The following ATP6V0A1 variants were observed in gnomAD, a reference collection of about 807,000 sequenced individuals.
ATP6V0A1 encodes the protein V-type proton ATPase 116 kDa subunit a 1.
In ATP6V0A1, 43 loss-of-function variants were observed where a neutral mutation model predicts 105.4. That is an observed-to-expected ratio of 0.41 (90% CI 0.32 to 0.53). The LOEUF (loss-of-function observed/expected upper bound fraction) is 0.53. Among genes scored for constraint, ATP6V0A1 ranks in the 20% least tolerant of loss-of-function variants. ATP6V0A1 has a pLI of 0.30. For missense variants in ATP6V0A1, 676 were observed against 1,051.1 expected, an observed-to-expected ratio of 0.64 and a Z score of 4.93; for synonymous variants, 362 against 372.8, an observed-to-expected ratio of 0.97 and a Z score of 0.33.
chr17:42,472,775 A>G (rs1204758413), intron 5 of ATP6V0A1, among the ~76,000 whole-genome samples: 1 of 152,116 alleles, frequency 6.6e-6, no homozygotes, highest in East Asian at 1.9e-4. Flanking sequence ...TTCTCTTTTG[A>G]GGGGAGATCA....
Position 42,498,444 on chromosome 17 carries a change from G to C in ATP6V0A1, c.1561-480G>C, listed in dbSNP as rs534086497. Among the ~76,000 whole-genome samples, 16 of 152,220 alleles carry C rather than the reference G, an allele frequency of 1.1e-4. No homozygotes were observed. The South Asian group carries it at 3.1e-3, about 30-fold the overall frequency. ...TAAAAAAAAAAATTTTGTCGAAGCA[G>C]AGTGATAGGTGCCTGGGAGTTTGTT... On this transcript the variant is annotated intron_variant, in intron 14 of 21. Transcript: ENST00000343619.
chr17:42,484,314 C>G (rs2089884189), intron 9 of ATP6V0A1, among the ~76,000 whole-genome samples: 1 of 152,122 alleles, frequency 6.6e-6, no homozygotes, highest in African/African-American at 2.4e-5. Context: ...GCCTCGGTCT[C>G]CCAAAGTACT....
intron 21 of ATP6V0A1, chr17:42,520,502 A>C: frequency 2.2e-6 from 1 of 456,638 alleles, no homozygotes; most frequent in South Asian, 1.5e-5. Context: ...TTGCTTTGAG[A>C]AGACTTCCCC....
chr17:42,498,913 G>A lies in ATP6V0A1; in HGVS notation c.1561-11G>A. On this transcript the variant is annotated splice_polypyrimidine_tract_variant and intron_variant, in intron 14 of 21. Coordinates refer to ENST00000343619, the MANE Select transcript of ATP6V0A1 (RefSeq NM_001130021.3). ...TTTATAATACCTATTTGTTTTCTCG[G>A]GTTATGACAGATTTGGAACATTGCT... 2 of 1,566,736 alleles carry A rather than the reference G, an allele frequency of 1.3e-6. No individual in the cohort carries two copies. Among genetic ancestry groups the A allele is most frequent in the Non-Finnish European group, 1.8e-6 (2 of 1,138,790 alleles).
chr17:42,491,671 CG>C (rs1157389229), intron 11 of ATP6V0A1, among the ~76,000 whole-genome samples: 6 of 152,026 alleles, frequency 3.9e-5, no homozygotes, highest in African/African-American at 1.4e-4. Flanking sequence ...TTAGTCGAGA[CG>C]GGGTTTCACC....
chr17:42,483,249 AAG>A (rs1303592055), intron 9 of ATP6V0A1, 118 bp downstream of exon 9: 2 of 682,892 alleles, frequency 2.9e-6, no homozygotes, highest in African/African-American at 1.8e-5. Context: ...ATACCAAAAA[AAG>A]AAATGTACAT....
chr17:42,463,929 T>A (rs2086731547), intron 2 of ATP6V0A1, among the ~76,000 whole-genome samples: 1 of 152,164 alleles, frequency 6.6e-6, no homozygotes, highest in Non-Finnish European at 1.5e-5. Flanking sequence ...GAAGATAAAC[T>A]GTATTTACTG....
At chr17:42,509,883 C>CTA (rs1167679856) in intron 19 of ATP6V0A1, 2 of 152,192 alleles carry the variant, frequency 1.3e-5, no homozygotes, top group Non-Finnish European at 2.9e-5. Context: ...CCCAAGTAGT[C>CTA]TAAACATTTT....
At chr17:42,496,674 C>T (rs1183920416) in intron 14 of ATP6V0A1, 3 of 152,154 alleles carry the variant, frequency 2.0e-5, no homozygotes, top group African/African-American at 7.2e-5. Context: ...AACCCCATCT[C>T]TACTAAAAAT....
intron 3 of ATP6V0A1, 70 bp downstream of exon 3, chr17:42,466,577 C>A (rs536115891): frequency 5.4e-6 from 7 of 1,299,532 alleles, no homozygotes; most frequent in Non-Finnish European, 6.6e-6. Flanking sequence ...GACATTAGTC[C>A]TCTTAATAGA....
intron 8 of ATP6V0A1, among the ~76,000 whole-genome samples, 168 bp from the exon 9 acceptor site, chr17:42,482,870 T>A (rs1403924599): frequency 1.5e-5 from 2 of 134,144 alleles, no homozygotes; most frequent in African/African-American, 5.8e-5. Context: ...CACTCCAGCC[T>A]GGGTGACAGA....
rs760220142 is a variant in ATP6V0A1 at position 42,521,077 on chromosome 17, C to G, written c.2471C>G (p.Pro824Arg). 21 of 1,610,114 alleles carry G rather than the reference C, an allele frequency of 1.3e-5. No individual in the cohort carries two copies. In the South Asian group the frequency reaches 2.0e-4, roughly 15 times the overall value. The stretch of plus-strand genomic sequence containing the variant: ...AGCGGGACCGGTTTCAAGTTCTTAC[C>G]CTTCTCCTTCGAGCATATTCGGGAA... ...FYSGTGFKFL[P>R]FSFEHIREGK... Residue 824 changes from proline to arginine, a missense_variant, in exon 22 of 22, where the codon CCC becomes CGC. By Grantham distance (103) the Pro-to-Arg change is moderately radical. Transcript: ENST00000343619. The surrounding 1 kb of genome is among the most constrained non-coding windows in gnomAD (Gnocchi z 4.8).
At chr17:42,499,717 G>A (rs890695356) in intron 15 of ATP6V0A1, among the ~76,000 whole-genome samples, 10 of 151,746 alleles carry the variant, frequency 6.6e-5, no homozygotes, top group African/African-American at 2.4e-4. Context: ...GAACCCAGGA[G>A]GCAGAGGTTG....
At chr17:42,469,172 A>G (rs1312603217) in intron 4 of ATP6V0A1, among the ~76,000 whole-genome samples, 1 of 152,046 alleles carries the variant, frequency 6.6e-6, no homozygotes, top group Non-Finnish European at 1.5e-5. Context: ...TTAATCTTGC[A>G]ATCTTGCAGA....
intron 21 of ATP6V0A1, chr17:42,520,447 G>A (rs1356803277): frequency 4.4e-6 from 2 of 456,482 alleles, no homozygotes; most frequent in Non-Finnish European, 8.8e-6. Context: ...CCCAAGAGAA[G>A]AATTCTTTCT....
chr17:42,507,673 G>T (rs1246960796), intron 18 of ATP6V0A1, 46 bp downstream of exon 18: 36 of 1,524,784 alleles, frequency 2.4e-5, no homozygotes, highest in Non-Finnish European at 3.2e-5. Context: ...CCTCGGGTCA[G>T]CCCTAGTCTT....
At chr17:42,514,755 A>AG (rs1473822523) in intron 21 of ATP6V0A1, among the ~76,000 whole-genome samples, 1 of 152,114 alleles carries the variant, frequency 6.6e-6, no homozygotes, top group Non-Finnish European at 1.5e-5. Context: ...TTTGGCTTAA[A>AG]GGGGCTGCTG....
chr17:42,507,039 G>A (rs1264529023), intron 17 of ATP6V0A1, among the ~76,000 whole-genome samples: 2 of 152,154 alleles, frequency 1.3e-5, no homozygotes, highest in African/African-American at 2.4e-5. Flanking sequence ...AGAAGTTGCT[G>A]GAATTCTTGG....
At chr17:42,470,712 A>G (rs193258899) in intron 5 of ATP6V0A1, 2 of 154,698 alleles carry the variant, frequency 1.3e-5, no homozygotes, top group East Asian at 1.9e-4. Flanking sequence ...AGAGTTTTTC[A>G]TTGTATTTAT....
Sources: allele counts gnomAD v4.1 joint callset (sites outside exome capture counted in the v4.1 genomes callset), GRCh38; gene constraint gnomAD v4.1.1; non-coding constraint Gnocchi (gnomAD v3.1); transcripts MANE v1.5; gene names NCBI Gene and HGNC (gene_info 2026-07-23, HGNC 2026-07-21).